RECK: variants seen among roughly 807,000 people sequenced by gnomAD.
The protein encoded by RECK is reversion-inducing cysteine-rich protein with Kazal motifs.
A neutral mutation model predicts 115.1 loss-of-function variants in RECK; 69 were observed. The ratio of observed to expected loss-of-function variants is 0.60; its 90% confidence interval spans 0.49 to 0.73. The LOEUF (loss-of-function observed/expected upper bound fraction) is 0.73, where lower values mean the gene tolerates loss of function less well. Among genes scored for constraint, RECK ranks in the 30% least tolerant of loss-of-function variants. RECK has a pLI of 0.00. For missense variants in RECK, 1,047 were observed against 1,203.7 expected (o/e 0.87, Z 1.93); for synonymous variants, 414 against 419.7 (o/e 0.99, Z 0.17).
rs1199157744 is a variant in RECK at position 36,080,618 on chromosome 9, G to T, written c.419G>T (p.Ser140Ile). The T allele has an allele frequency of 1.2e-6, 2 of 1,609,324 alleles. No homozygotes were observed. The highest frequency in any genetic ancestry group is 8.5e-7 in the Non-Finnish European group (1 of 1,177,422). ...CRKEYENALF[S>I]CISRNEMGSV... ...TTCAATTTACAGAATGCTCTTTTCA[G>T]TTGCATTAGCAGAAATGAAAGTAAG... Residue 140 changes from serine (S) to isoleucine (I), a missense_variant, in exon 7 of 21, where the codon AGT becomes ATT. Ser to Ile is a moderately radical substitution (Grantham distance 142). Transcript: ENST00000377966.
intron 14 of RECK, among the ~76,000 whole-genome samples, chr9:36,108,625 G>A (rs926498380): frequency 2.6e-5 from 4 of 151,724 alleles, no homozygotes; most frequent in East Asian, 1.9e-4. Context: ...ATCTTCCCCC[G>A]ACCCTTTCTT....
intron 6 of RECK, among the ~76,000 whole-genome samples, chr9:36,072,938 C>A (rs1057439225): frequency 6.6e-6 from 1 of 151,984 alleles, no homozygotes. Context: ...GATTAGATTG[C>A]GACCTGGTCT....
At chr9:36,079,065 T>C (rs1292582540) in intron 6 of RECK, among the ~76,000 whole-genome samples, 1 of 152,052 alleles carries the variant, frequency 6.6e-6, no homozygotes, top group Non-Finnish European at 1.5e-5. Context: ...CCGGCTAATT[T>C]TGTATTTTCA....
chr9:36,070,004 T>G (rs77056327), intron 6 of RECK, among the ~76,000 whole-genome samples: 3,872 of 152,252 alleles, frequency 0.025, 169 homozygotes, highest in African/African-American at 0.087. Flanking sequence ...AAAAAGGTAT[T>G]TCAAGAAAGG....
At chr9:36,090,032 T>C (rs1451495753) in intron 9 of RECK, among the ~76,000 whole-genome samples, 2 of 151,406 alleles carry the variant, frequency 1.3e-5, no homozygotes, top group Admixed American at 1.3e-4. Flanking sequence ...GGCAGATGCC[T>C]ATAATCTCAG....
chr9:36,093,670 A>G (rs1462341210), intron 10 of RECK, among the ~76,000 whole-genome samples: 1 of 152,198 alleles, frequency 6.6e-6, no homozygotes, highest in African/African-American at 2.4e-5. Context: ...GAAAGAAAGG[A>G]GCAGAAAAAT....
intron 1 of RECK, among the ~76,000 whole-genome samples, chr9:36,050,676 A>G (rs1436090740): frequency 1.3e-5 from 2 of 152,164 alleles, no homozygotes; most frequent in South Asian, 2.1e-4. Context: ...ACCATGGCCT[A>G]TAGAGACCTG....
In RECK at chr9:36,036,986, G is replaced by C; in HGVS notation, c.-13G>C. The C allele has an allele frequency of 7.1e-7, 1 of 1,417,360 alleles. No homozygotes were observed. The highest frequency in any genetic ancestry group is 1.4e-5 in the South Asian group (1 of 70,172). The allele number at this position is 1,417,360 out of a possible 1,614,324, so 87.8% of individuals were successfully genotyped here. ...CCGAGCATCCCGCGGCTCTGGAGCC[G>C]CCCGGCCCGGACATGGCGACCGTCC... On this transcript the variant is annotated 5_prime_UTR_variant, in exon 1 of 21. Coordinates refer to ENST00000377966, the MANE Select transcript of RECK (RefSeq NM_021111.3).
intron 13 of RECK, among the ~76,000 whole-genome samples, chr9:36,107,604 C>CAA (rs11315233): frequency 4.8e-4 from 34 of 70,950 alleles, no homozygotes; most frequent in Admixed American, 9.0e-4. Flanking sequence ...GACTCCGTCT[C>CAA]AAAAAAAAAA....
intron 4 of RECK, among the ~76,000 whole-genome samples, chr9:36,062,497 T>G (rs936219146): frequency 6.7e-6 from 1 of 150,018 alleles, no homozygotes; most frequent in Non-Finnish European, 1.5e-5. Flanking sequence ...TTTGTTTTTT[T>G]GAGACAGAGT....
intron 6 of RECK, among the ~76,000 whole-genome samples, chr9:36,066,527 A>G (rs1822005694): frequency 6.6e-6 from 1 of 151,926 alleles, no homozygotes; most frequent in South Asian, 2.1e-4. Context: ...AGTCTTATTT[A>G]TCTTTTGTTC....
intron 17 of RECK, among the ~76,000 whole-genome samples, chr9:36,118,474 A>G (rs11790288): frequency 0.3 from 46,144 of 152,118 alleles, 8,234 homozygotes; most frequent in Middle Eastern, 0.47. Flanking sequence ...GAGAGGTAGC[A>G]GGAAAGAAGA....
At chr9:36,103,368 C>T (rs560162854) in intron 12 of RECK, among the ~76,000 whole-genome samples, 2 of 152,326 alleles carry the variant, frequency 1.3e-5, no homozygotes, top group South Asian at 4.1e-4. Context: ...TTTATCTTTC[C>T]CCACCATCCT....
chr9:36,122,231 A>C (rs2132680441), intron 20 of RECK, among the ~76,000 whole-genome samples: 1 of 152,348 alleles, frequency 6.6e-6, no homozygotes, highest in Non-Finnish European at 1.5e-5. Context: ...TGAGGGCTCA[A>C]GGGAAGGGAA....
intron 1 of RECK, among the ~76,000 whole-genome samples, chr9:36,044,096 G>A (rs750930896): frequency 2.6e-5 from 4 of 152,092 alleles, no homozygotes; most frequent in South Asian, 4.1e-4. Context: ...CTACCCATCC[G>A]TGAGCATGGG....
rs71508011 is a variant in RECK at position 36,092,542 on chromosome 9, ATTT to A, written c.1085+1218_1085+1220del. ...AGGCGCCTGCCACCACACCCAGCTA[ATTT>A]TTTTTTTTTTTTTTTTTTGTATTTT... On this transcript the variant is annotated intron_variant, in intron 10 of 20. Transcript: ENST00000377966. 5.8e-3 allele frequency among the ~76,000 whole-genome samples: 681 copies of A among 117,044 alleles called. 4 individuals are homozygous for A. Among genetic ancestry groups the A allele is most frequent in the African/African-American group, 0.02 (650 of 32,022 alleles). 76.8% of individuals were successfully genotyped at this position (117,044 alleles called of 152,430 possible).
chr9:36,059,040 TA>T (rs993245137), intron 3 of RECK, 139 bp downstream of exon 3: 49 of 436,736 alleles, frequency 1.1e-4, no homozygotes, highest in African/African-American at 6.5e-4. Flanking sequence ...CTTAAATACT[TA>T]AAAAAAATCT....
intron 15 of RECK, among the ~76,000 whole-genome samples, chr9:36,111,248 T>C (rs990152305): frequency 6.6e-6 from 1 of 152,204 alleles, no homozygotes; most frequent in African/African-American, 2.4e-5. Flanking sequence ...CCCAAAACTG[T>C]GCCACATTTC....
At chr9:36,046,681 T>G (rs1468654535) in intron 1 of RECK, among the ~76,000 whole-genome samples, 1 of 152,190 alleles carries the variant, frequency 6.6e-6, no homozygotes, top group Non-Finnish European at 1.5e-5. Context: ...GTCAGAAGTA[T>G]CAAAAAGTCT....
Sources: gnomAD v4.1 joint callset for allele counts (sites outside exome capture counted in the v4.1 genomes callset) on GRCh38, gnomAD v4.1.1 for gene constraint, MANE v1.5 for transcripts, NCBI Gene and HGNC (gene_info 2026-07-23, HGNC 2026-07-21) for gene names.